The following SLC26A7 variants were observed in gnomAD, a reference collection of about 807,000 sequenced individuals.
The protein encoded by SLC26A7 is solute carrier family 26 member 7, also known as anion exchange transporter.
A neutral mutation model predicts 82.5 loss-of-function variants in SLC26A7; 59 were observed. The observed-to-expected ratio is 0.72, with a 90% CI of 0.58 to 0.89. The LOEUF is 0.89. Ranked by LOEUF, SLC26A7 falls within the 40% of genes least tolerant of loss-of-function variation. SLC26A7 has a pLI of 0.00. For synonymous variants in SLC26A7, 271 were observed against 274.3 expected (o/e 0.99, Z 0.12); for missense variants, 820 against 793.0 (o/e 1.03, Z -0.41).
At chr8:91,386,617 A>G (rs1814806446) in intron 15 of SLC26A7, among the ~76,000 whole-genome samples, 1 of 152,186 alleles carries the variant, frequency 6.6e-6, no homozygotes, top group South Asian at 2.1e-4. Context: ...TATATTTAAT[A>G]AGAGTACCCA....
At chr8:91,279,951 GT>G (rs1554603890) in intron 2 of SLC26A7, among the ~76,000 whole-genome samples, 4 of 152,068 alleles carry the variant, frequency 2.6e-5, no homozygotes, top group Non-Finnish European at 5.9e-5. Flanking sequence ...AAAAAATCAG[GT>G]TACTTATTTT....
intron 2 of SLC26A7, among the ~76,000 whole-genome samples, chr8:91,281,818 C>G (rs1811581473): frequency 6.6e-6 from 1 of 152,154 alleles, no homozygotes; most frequent in South Asian, 2.1e-4. Context: ...TAACTAGAGA[C>G]TGCATCTCTC....
intron 2 of SLC26A7, among the ~76,000 whole-genome samples, chr8:91,265,221 T>C (rs1449554946): frequency 1.3e-5 from 2 of 152,114 alleles, no homozygotes; most frequent in African/African-American, 4.8e-5. Context: ...GACAGGATTT[T>C]ATTCTAGTTT....
intron 2 of SLC26A7, among the ~76,000 whole-genome samples, chr8:91,239,410 ATGTATATGTATATATATGTATATATG>A (rs1810442446): frequency 9.9e-6 from 1 of 101,406 alleles, no homozygotes; most frequent in East Asian, 3.3e-4. Flanking sequence ...ATATATATAT[ATGTATATGTATATATATGTATATATG>A]TGTATATGTG....
chr8:91,225,646 T>G (rs1195377584), intron 2 of SLC26A7, among the ~76,000 whole-genome samples: 1 of 32,974 alleles, frequency 3.0e-5, no homozygotes, highest in Admixed American at 2.0e-4. Flanking sequence ...GAAAAGTGTT[T>G]TTTTTTTTTT....
intron 4 of SLC26A7, among the ~76,000 whole-genome samples, chr8:91,301,302 G>T (rs970449982): frequency 3.3e-5 from 5 of 152,066 alleles, no homozygotes; most frequent in African/African-American, 1.2e-4. Flanking sequence ...GGAGCATCTA[G>T]TACTGGAGGT....
At position 91,396,723 on chromosome 8, in the gene SLC26A7, A is replaced by T. The variant is rs1808583014; in HGVS notation, c.*1626A>T. The T allele has an allele frequency of 1.3e-5, 2 of 151,934 alleles. No homozygotes were observed. Among genetic ancestry groups the T allele is most frequent in the South Asian group, 4.1e-4 (2 of 4,826 alleles). The allele number at this position is 151,934 out of a possible 1,614,324, so 9.4% of individuals were successfully genotyped here. On this transcript the variant is annotated 3_prime_UTR_variant, in exon 19 of 19. Coordinates refer to ENST00000276609, the MANE Select transcript of SLC26A7 (RefSeq NM_052832.4). ...AGGCCAACTCACATTCCCATCAAAC[A>T]CTCTTCCAAGGAAAAGCAGAAGTAA...
chr8:91,246,103 C>G (rs990341410), upstream of SLC26A7, among the ~76,000 whole-genome samples: 7 of 152,128 alleles, frequency 4.6e-5, no homozygotes, highest in African/African-American at 1.4e-4. Context: ...CTCCTAGAAC[C>G]TTTATTCTCA....
chr8:91,302,647 C>A (rs1006720871), intron 4 of SLC26A7, among the ~76,000 whole-genome samples: 1 of 151,900 alleles, frequency 6.6e-6, no homozygotes, highest in African/African-American at 2.4e-5. Context: ...ATTCATGAAC[C>A]CATCATCAAG....
intron 2 of SLC26A7, among the ~76,000 whole-genome samples, chr8:91,241,405 T>C (rs1810472190): frequency 2.0e-5 from 3 of 152,276 alleles, no homozygotes; most frequent in East Asian, 1.9e-4. Context: ...TAAAACACTT[T>C]TCTATACTTT....
At position 91,362,221 on chromosome 8, in the gene SLC26A7, G is replaced by A. The variant is rs188590374; in HGVS notation, c.1315-132G>A. 686 of 603,886 alleles carry A rather than the reference G, an allele frequency of 1.1e-3. 1 individual carries two copies. Among genetic ancestry groups the A allele is most frequent in the Middle Eastern group, 5.2e-3 (14 of 2,700 alleles). 37.4% of individuals were successfully genotyped at this position (603,886 alleles called of 1,614,324 possible). A position where few individuals can be genotyped will look rare whatever the true frequency, so the allele number is the denominator to read the frequency against. ...ATTTCTGAGCTTCTGTTTACCACTT[G>A]TTAAATAATATTTTCTTGCTGAAAG... On this transcript the variant is annotated intron_variant, in intron 11 of 18. Coordinates refer to ENST00000276609, the MANE Select transcript of SLC26A7 (RefSeq NM_052832.4).
chr8:91,360,588 T>G (rs768848487), intron 11 of SLC26A7, among the ~76,000 whole-genome samples: 2 of 152,166 alleles, frequency 1.3e-5, no homozygotes, highest in Non-Finnish European at 2.9e-5. Flanking sequence ...TTATAATAGA[T>G]GACGTTGTGG....
In SLC26A7 at chr8:91,343,313, T is replaced by G. The variant is rs369255427; in HGVS notation, c.1027-40T>G. ...GTACCTGTGGTCTCTAAAAGTCTAT[T>G]GTGATTAAGATATTATATATTCTCT... On this transcript the variant is annotated intron_variant, in intron 8 of 18. Transcript: ENST00000276609. The G allele has an allele frequency of 1.9e-5, 25 of 1,292,108 alleles. No individual in the cohort carries two copies. The African/African-American group carries it at 2.8e-4, about 14-fold the overall frequency. The allele number at this position is 1,292,108 out of a possible 1,614,324, so 80.0% of individuals were successfully genotyped here.
chr8:91,306,909 G>C (rs1812324393), intron 4 of SLC26A7, among the ~76,000 whole-genome samples: 1 of 150,706 alleles, frequency 6.6e-6, no homozygotes, highest in East Asian at 1.9e-4. Context: ...TCTGACAAAG[G>C]GCTAATATCC....
At chr8:91,262,000 C>T (rs988685228) in intron 2 of SLC26A7, among the ~76,000 whole-genome samples, 2 of 152,032 alleles carry the variant, frequency 1.3e-5, no homozygotes, top group African/African-American at 4.8e-5. Context: ...ACGTGAACTC[C>T]TCCTACCAGG....
chr8:91,351,011 T>G (rs976541748), intron 9 of SLC26A7, among the ~76,000 whole-genome samples: 3 of 152,152 alleles, frequency 2.0e-5, no homozygotes, highest in Admixed American at 6.6e-5. Flanking sequence ...GCCATTCTAC[T>G]AGGTCCAAAT....
At chr8:91,351,561 T>C (rs1198734344) in intron 9 of SLC26A7, among the ~76,000 whole-genome samples, 2 of 152,194 alleles carry the variant, frequency 1.3e-5, no homozygotes, top group Non-Finnish European at 2.9e-5. Context: ...TCCTGTTTCT[T>C]TGTGTGAAAT....
In SLC26A7 at chr8:91,348,422, T is replaced by C. The variant is rs1003211894; in HGVS notation, c.1141-3388T>C. On this transcript the variant is annotated intron_variant, in intron 9 of 18. Coordinates refer to ENST00000276609, the MANE Select transcript of SLC26A7 (RefSeq NM_052832.4). ...TAGGTATGGATAATAAAAATGCATG[T>C]ATGGTCATCTTTGTAACTAACATAG... 101 of 891,020 alleles carry C rather than the reference T, an allele frequency of 1.1e-4. 1 individual carries two copies. Among genetic ancestry groups the C allele is most frequent in the Non-Finnish European group, 1.3e-4 (98 of 743,792 alleles). The allele number at this position is 891,020 out of a possible 1,614,324, so 55.2% of individuals were successfully genotyped here.
chr8:91,259,830 A>G (rs1424961800), intron 2 of SLC26A7, among the ~76,000 whole-genome samples: 2 of 152,070 alleles, frequency 1.3e-5, no homozygotes, highest in South Asian at 4.1e-4. Flanking sequence ...TGAAAAGAAT[A>G]CTCATGTCCA....
Sources: allele counts gnomAD v4.1 joint callset (sites outside exome capture counted in the v4.1 genomes callset), GRCh38; gene constraint gnomAD v4.1.1; transcripts MANE v1.5; gene names NCBI Gene and HGNC (gene_info 2026-07-23, HGNC 2026-07-21).